The following KIT variants were observed in gnomAD, a reference collection of about 807,000 sequenced individuals.
KIT encodes the protein KIT proto-oncogene, receptor tyrosine kinase.
Under a neutral mutation model 105.7 loss-of-function variants are expected in KIT, and 16 were observed. That is an observed-to-expected ratio of 0.15 (90% CI 0.10 to 0.23). KIT has a LOEUF of 0.23. Ranked by LOEUF, KIT falls within the 10% of genes least tolerant of loss-of-function variation. The probability of loss-of-function intolerance (pLI) is 1.00; values close to 1 mark genes in which losing one functional copy is unlikely to be tolerated. For missense variants in KIT, 858 were observed against 1,213.8 expected, an observed-to-expected ratio of 0.71 and a Z score of 4.36; for synonymous variants, 438 against 441.1, an observed-to-expected ratio of 0.99 and a Z score of 0.09.
At chr4:54,734,296 A>G (rs1350451746) in intron 17 of KIT, among the ~76,000 whole-genome samples, 2 of 152,170 alleles carry the variant, frequency 1.3e-5, no homozygotes, top group East Asian at 1.9e-4. Flanking sequence ...CCATTATTTC[A>G]TGCCTGTGTA....
chr4:54,692,369 C>CA (rs1192447451), intron 1 of KIT, among the ~76,000 whole-genome samples: 7 of 152,202 alleles, frequency 4.6e-5, no homozygotes, highest in Non-Finnish European at 1.0e-4. Context: ...TTTTTATCCT[C>CA]ATTTTCCAGG....
At chr4:54,726,625 CCTT>C (rs1342634160) in intron 9 of KIT, among the ~76,000 whole-genome samples, 2 of 152,066 alleles carry the variant, frequency 1.3e-5, no homozygotes, top group African/African-American at 4.8e-5. Flanking sequence ...ACTTTTTAGG[CCTT>C]CTTGGGGTTT....
rs190616223 is a variant in KIT at position 54,692,614 on chromosome 4, G to T, written c.68-2898G>T. Among the ~76,000 whole-genome samples, 627 of 152,234 alleles carry T rather than the reference G, an allele frequency of 4.1e-3. 3 individuals carry two copies. The highest frequency in any genetic ancestry group is 5.1e-3 in the Non-Finnish European group (344 of 68,026). ...TATCAATATCATGCACATTCATTGG[G>T]AACTGTTCTTTTTTAAAAGGAATAA... On this transcript the variant is annotated intron_variant, in intron 1 of 20. Coordinates refer to ENST00000288135, the MANE Select transcript of KIT (RefSeq NM_000222.3).
intron 1 of KIT, among the ~76,000 whole-genome samples, chr4:54,659,219 CAG>C (rs1717058383): frequency 1.3e-5 from 2 of 152,166 alleles, no homozygotes; most frequent in South Asian, 4.1e-4. Flanking sequence ...AAAGCTATAA[CAG>C]AAATCCAGGT....
At chr4:54,679,723 A>G (rs1008410356) in intron 1 of KIT, among the ~76,000 whole-genome samples, 1 of 152,258 alleles carries the variant, frequency 6.6e-6, no homozygotes, top group Non-Finnish European at 1.5e-5. Context: ...GTAGATCATA[A>G]TTGAAGACAG....
At position 54,722,795 on chromosome 4, in the gene KIT, A is replaced by G. The variant is rs1019337050; in HGVS notation, c.1232-789A>G. Among the ~76,000 whole-genome samples, 6 of 142,032 alleles carry G rather than the reference A, an allele frequency of 4.2e-5. No homozygotes were observed. In the Admixed American group the frequency reaches 4.6e-4, roughly 11 times the overall value. 93.2% of individuals were successfully genotyped at this position (142,032 alleles called of 152,430 possible). Reference sequence around the variant, plus strand: ...GCATTTCTGCTGTTACAGTGAATATATTCAGATTTATATATATATTTATAT... The same window carrying G: ...GCATTTCTGCTGTTACAGTGAATATGTTCAGATTTATATATATATTTATAT... On this transcript the variant is annotated intron_variant, in intron 7 of 20. Coordinates refer to ENST00000288135, the MANE Select transcript of KIT (RefSeq NM_000222.3).
chr4:54,737,832 C>CA (rs1369227463), intron 20 of KIT, among the ~76,000 whole-genome samples: 1 of 152,184 alleles, frequency 6.6e-6, no homozygotes, highest in East Asian at 1.9e-4. Flanking sequence ...AATGAAAACT[C>CA]AAATCCATTA....
intron 20 of KIT, among the ~76,000 whole-genome samples, chr4:54,737,493 AG>A (rs1182761450): frequency 1.3e-5 from 2 of 152,084 alleles, no homozygotes; most frequent in African/African-American, 4.8e-5. Context: ...TGTGAGATTG[AG>A]GGGGAAGGGT....
intron 2 of KIT, among the ~76,000 whole-genome samples, chr4:54,696,623 C>T (rs1720086390): frequency 5.3e-5 from 8 of 152,192 alleles, no homozygotes; most frequent in Admixed American, 5.2e-4. Flanking sequence ...ATCTTAGGTA[C>T]CTCCTGAGTT....
intron 1 of KIT, among the ~76,000 whole-genome samples, chr4:54,668,125 G>A (rs1717832474): frequency 6.6e-6 from 1 of 152,192 alleles, no homozygotes; most frequent in South Asian, 2.1e-4. Flanking sequence ...TGTGTGGTTT[G>A]GAACATCTTG....
At chr4:54,705,931 A>T (rs1230262229) in intron 5 of KIT, among the ~76,000 whole-genome samples, 1 of 152,204 alleles carries the variant, frequency 6.6e-6, no homozygotes, top group Non-Finnish European at 1.5e-5. Flanking sequence ...AGTAAAAGGT[A>T]TGCTAAAGTA....
Position 54,738,866 on chromosome 4 carries a change from T to A in KIT, c.*309T>A, listed in dbSNP as rs899675357. The A allele has an allele frequency of 1.7e-6, 1 of 598,150 alleles. No individual in the cohort carries two copies. Among genetic ancestry groups the A allele is most frequent in the Non-Finnish European group, 3.0e-6 (1 of 337,130 alleles). The allele number at this position is 598,150 out of a possible 1,614,324, so 37.1% of individuals were successfully genotyped here. Reference sequence around the variant, plus strand: ...AGAGTCCTTTCCAAGGCTTCTCCAATTCTGCCCAAAAATATGGTTGATAGT... The same window carrying A: ...AGAGTCCTTTCCAAGGCTTCTCCAAATCTGCCCAAAAATATGGTTGATAGT... On this transcript the variant is annotated 3_prime_UTR_variant, in exon 21 of 21. Coordinates refer to ENST00000288135, the MANE Select transcript of KIT (RefSeq NM_000222.3).
intron 6 of KIT, 150 bp downstream of exon 6, chr4:54,707,437 T>C (rs1040323801): frequency 3.1e-6 from 2 of 655,666 alleles, no homozygotes; most frequent in African/African-American, 1.8e-5. Flanking sequence ...CATCCTAGTA[T>C]TCCATTTTGT....
chr4:54,731,805 C>T, intron 15 of KIT, 66 bp from the exon 16 acceptor site: 1 of 1,549,820 alleles, frequency 6.5e-7, no homozygotes. Flanking sequence ...ATGTCATTGC[C>T]ACTGTCTTTT....
chr4:54,731,958 A>C lies in KIT; in HGVS notation c.2321A>C (p.Tyr774Ser), dbSNP rs1553892709. ...TTAGAAGACTTGCTGAGCTTTTCTT[A>C]CCAGGTGGCAAAGGGCATGGCTTTC... is the stretch of plus-strand genomic sequence containing the variant. ...LDLEDLLSFS[Y>S]QVAKGMAFLA... The change falls in exon 16 of 21, where the codon TAC becomes TCC. Residue 774 changes from tyrosine to serine, a missense_variant. Coordinates refer to ENST00000288135, the MANE Select transcript of KIT (RefSeq NM_000222.3). 3 of 1,613,548 alleles carry C rather than the reference A, an allele frequency of 1.9e-6. No individual in the cohort carries two copies. The highest frequency in any genetic ancestry group is 2.5e-6 in the Non-Finnish European group (3 of 1,179,770).
intron 6 of KIT, among the ~76,000 whole-genome samples, chr4:54,708,072 A>G (rs1577968428): frequency 6.6e-6 from 1 of 152,142 alleles, no homozygotes; most frequent in East Asian, 1.9e-4. Flanking sequence ...GGAAGAGGAT[A>G]AATTTGGGAG....
At chr4:54,708,871 T>G (rs890891598) in intron 6 of KIT, among the ~76,000 whole-genome samples, 3 of 152,186 alleles carry the variant, frequency 2.0e-5, no homozygotes, top group African/African-American at 7.2e-5. Flanking sequence ...ATGGCGGTCC[T>G]GCAAGAAGTC....
In KIT at chr4:54,729,437, C is replaced by G. The variant is rs780329057; in HGVS notation, c.2093C>G (p.Ala698Gly). Residue 698 changes from alanine (A) to glycine (G), a missense_variant, in exon 14 of 21, where the codon GCA becomes GGA. By Grantham distance (60) the Ala-to-Gly change is moderately conservative (BLOSUM62 0). Around this residue, in one of 7 missense-constraint regions of KIT, gnomAD observed 158 missense variants for 218.7 expected, o/e 0.72. Coordinates refer to ENST00000288135, the MANE Select transcript of KIT (RefSeq NM_000222.3). ...SFICSKQEDH[A>G]EAALYKNLLH... ...ATTTGTTCAAAGCAGGAAGATCATG[C>G]AGAAGCTGCACTTTATAAGAATCTT... 3.7e-6 allele frequency: 6 copies of G among 1,613,692 alleles called. No homozygotes were observed. Among genetic ancestry groups the G allele is most frequent in the Non-Finnish European group, 8.5e-7 (1 of 1,179,768 alleles).
intron 1 of KIT, among the ~76,000 whole-genome samples, chr4:54,678,375 T>TCCCC (rs1718665777): frequency 3.0e-5 from 2 of 67,280 alleles, no homozygotes; most frequent in Non-Finnish European, 5.8e-5. Context: ...CCTCCCTCCC[T>TCCCC]CCCCCAATCC....
Sources: allele counts gnomAD v4.1 joint callset (sites outside exome capture counted in the v4.1 genomes callset), GRCh38; gene constraint gnomAD v4.1.1; regional missense constraint gnomAD v4.1.1; transcripts MANE v1.5; gene names NCBI Gene and HGNC (gene_info 2026-07-23, HGNC 2026-07-21).